The following NSUN3 variants were observed in gnomAD, a reference collection of about 807,000 sequenced individuals.
NSUN3 encodes tRNA (cytosine(34)-C(5))-methyltransferase, mitochondrial.
Under a neutral mutation model 36.8 loss-of-function variants are expected in NSUN3, and 24 were observed. The observed-to-expected ratio is 0.65, with a 90% CI of 0.47 to 0.92. The LOEUF (loss-of-function observed/expected upper bound fraction) is 0.92, where lower values mean the gene tolerates loss of function less well. NSUN3 is among the 40% of genes least tolerant of loss of function. The pLI is 0.00. For missense variants in NSUN3, 381 were observed against 392.8 expected (o/e 0.97, Z 0.25); for synonymous variants, 146 against 145.2 (o/e 1.01, Z -0.04).
At position 94,105,138 on chromosome 3, in the gene NSUN3, A is replaced by T. The variant is rs564217632; in HGVS notation, c.743+9984A>T. ...TGACCATTGCGTGCAGCAGAGGATG[A>T]CCTGGCTATTTTGGGAAAAGGTGCG... On this transcript the variant is annotated intron_variant, in intron 5 of 5. Transcript: ENST00000314622. 3.3e-5 allele frequency among the ~76,000 whole-genome samples: 5 copies of T among 152,320 alleles called. No homozygotes were observed. The East Asian group carries it at 9.6e-4, about 29-fold the overall frequency.
intron 5 of NSUN3, among the ~76,000 whole-genome samples, chr3:94,105,578 T>G (rs1329048459): frequency 6.6e-6 from 1 of 152,142 alleles, no homozygotes; most frequent in Non-Finnish European, 1.5e-5. Flanking sequence ...TCTGTAAAGA[T>G]GTAGGGTTTC....
intron 2 of NSUN3, among the ~76,000 whole-genome samples, chr3:94,071,011 T>C (rs576544204): frequency 2.6e-5 from 4 of 152,342 alleles, no homozygotes; most frequent in Admixed American, 1.3e-4. Flanking sequence ...CATCCACTTA[T>C]TTAACTGAAG....
intron 3 of NSUN3, among the ~76,000 whole-genome samples, chr3:94,088,357 C>T (rs1576087972): frequency 6.6e-6 from 1 of 152,144 alleles, no homozygotes. Context: ...TCACTTTCTC[C>T]CAACAACTTT....
At chr3:94,073,390 A>G (rs557927682) in intron 2 of NSUN3, among the ~76,000 whole-genome samples, 1 of 152,294 alleles carries the variant, frequency 6.6e-6, no homozygotes, top group Admixed American at 6.5e-5. Flanking sequence ...TGTCTTCCAC[A>G]ATGGTTGAAC....
chr3:94,075,121 G>T (rs1156525882), intron 2 of NSUN3, among the ~76,000 whole-genome samples: 1 of 151,516 alleles, frequency 6.6e-6, no homozygotes, highest in Non-Finnish European at 1.5e-5. Flanking sequence ...TTTTTTCAAG[G>T]ATTAATTTAA....
chr3:94,121,584 G>A (rs1298061350), intron 5 of NSUN3, among the ~76,000 whole-genome samples: 1 of 152,148 alleles, frequency 6.6e-6, no homozygotes, highest in Non-Finnish European at 1.5e-5. Flanking sequence ...ATCTAGATAG[G>A]AGCCTTTTTT....
In NSUN3 at chr3:94,127,091, C is replaced by T. The variant is rs373416326; in HGVS notation, c.*601C>T. 5.9e-5 allele frequency: 9 copies of T among 152,104 alleles called. No homozygotes were observed. Among genetic ancestry groups the T allele is most frequent in the Admixed American group, 5.9e-4 (9 of 15,264 alleles). 9.4% of individuals were successfully genotyped at this position (152,104 alleles called of 1,614,324 possible). A position where few individuals can be genotyped will look rare whatever the true frequency, so the allele number is the denominator to read the frequency against. ...ACTCTACTGACACCAGCTTTATTTCCCCCACTTTTTTTGCATTCACAAATA... is the reference window on the plus strand; with the variant it reads ...ACTCTACTGACACCAGCTTTATTTCTCCCACTTTTTTTGCATTCACAAATA... On this transcript the variant is annotated 3_prime_UTR_variant, in exon 6 of 6. Coordinates refer to ENST00000314622, the MANE Select transcript of NSUN3 (RefSeq NM_022072.5).
intron 5 of NSUN3, among the ~76,000 whole-genome samples, chr3:94,123,264 A>T (rs949064460): frequency 1.4e-4 from 21 of 152,088 alleles, no homozygotes; most frequent in African/African-American, 4.3e-4. Flanking sequence ...TCTATGTTGC[A>T]TGCACTCTTT....
chr3:94,081,026 G>A (rs2077266758), intron 2 of NSUN3, among the ~76,000 whole-genome samples: 1 of 152,206 alleles, frequency 6.6e-6, no homozygotes, highest in Admixed American at 6.5e-5. Context: ...TTGAAACCCA[G>A]GGCCCTGGTG....
At chr3:94,088,869 AC>A (rs993630803) in intron 3 of NSUN3, among the ~76,000 whole-genome samples, 4 of 151,964 alleles carry the variant, frequency 2.6e-5, no homozygotes, top group African/African-American at 9.7e-5. Context: ...GGGTTTCACC[AC>A]GTTGGCCAGG....
intron 2 of NSUN3, among the ~76,000 whole-genome samples, chr3:94,083,246 G>A (rs750292380): frequency 7.2e-5 from 11 of 152,096 alleles, no homozygotes; most frequent in Non-Finnish European, 1.6e-4. Flanking sequence ...TTGACTGCAA[G>A]TTGTCCAGGT....
intron 5 of NSUN3, among the ~76,000 whole-genome samples, chr3:94,123,321 T>C (rs1279273500): frequency 2.6e-5 from 4 of 152,224 alleles, no homozygotes; most frequent in African/African-American, 9.6e-5. Flanking sequence ...CTCATTTTAC[T>C]AGAATTAAAA....
At position 94,094,206 on chromosome 3, in the gene NSUN3, T is replaced by C; in HGVS notation, c.533T>C (p.Phe178Ser). ...TGGCTAAGGCAGACGTTGGAATCTT[T>C]CATCCCACAGCCTTTGATAAATGTA... ...LRWLRQTLES[F>S]IPQPLINVIK... is the part of the protein sequence containing the mutation. The change falls in exon 4 of 6, where the codon TTC (phenylalanine) becomes TCC (serine). Residue 178 changes from phenylalanine (F) to serine (S), a missense_variant. Transcript: ENST00000314622. 1 of 1,613,728 alleles carries C rather than the reference T, an allele frequency of 6.2e-7. No homozygotes were observed. The highest frequency in any genetic ancestry group is 8.5e-7 in the Non-Finnish European group (1 of 1,179,684).
Position 94,128,462 on chromosome 3 carries a change from G to A in NSUN3, c.*1972G>A, listed in dbSNP as rs577447305. ...TGCACACTGTACTTTGTTAAATGTC[G>A]GTATTTTCCCAGTATAATGCGATGA... On this transcript the variant is annotated 3_prime_UTR_variant, in exon 6 of 6. Coordinates refer to ENST00000314622, the MANE Select transcript of NSUN3 (RefSeq NM_022072.5). The A allele has an allele frequency of 4.6e-5, 7 of 150,908 alleles. No individual in the cohort carries two copies. The highest frequency in any genetic ancestry group is 1.9e-4 in the East Asian group (1 of 5,140). 9.3% of individuals were successfully genotyped at this position (150,908 alleles called of 1,614,324 possible). A position where few individuals can be genotyped will look rare whatever the true frequency, so the allele number is the denominator to read the frequency against.
intron 2 of NSUN3, among the ~76,000 whole-genome samples, chr3:94,081,007 A>G (rs1002531651): frequency 1.3e-5 from 2 of 152,228 alleles, no homozygotes; most frequent in East Asian, 1.9e-4. Flanking sequence ...GAGCCACCCA[A>G]TTTTGTGCTT....
intron 5 of NSUN3, among the ~76,000 whole-genome samples, chr3:94,100,307 G>A (rs1408495208): frequency 2.6e-5 from 4 of 152,186 alleles, no homozygotes; most frequent in African/African-American, 9.6e-5. Context: ...TTAAAAGCAA[G>A]GACATTCTGT....
chr3:94,090,156 A>G (rs1306570208), intron 3 of NSUN3, among the ~76,000 whole-genome samples: 1 of 152,150 alleles, frequency 6.6e-6, no homozygotes, highest in African/African-American at 2.4e-5. Flanking sequence ...TACAAATGCT[A>G]AATCCTCAGG....
At chr3:94,083,213 C>G (rs2077277696) in intron 2 of NSUN3, among the ~76,000 whole-genome samples, 2 of 151,254 alleles carry the variant, frequency 1.3e-5, no homozygotes, top group Non-Finnish European at 2.9e-5. Flanking sequence ...CCTCAGTAAT[C>G]ATAATGTTAA....
In NSUN3 at chr3:94,095,547, C is replaced by A. The variant is rs114594560; in HGVS notation, c.743+393C>A. Among the ~76,000 whole-genome samples, 663 of 152,242 alleles carry A rather than the reference C, an allele frequency of 4.4e-3. 7 individuals are homozygous for A. Among genetic ancestry groups the A allele is most frequent in the African/African-American group, 0.014 (598 of 41,544 alleles). On this transcript the variant is annotated intron_variant, in intron 5 of 5. Transcript: ENST00000314622. ...TTTGTTATTGTTCTGGATGAATCAGCCCCTAGCAAGTTGTAGCTGGTTGTT... is the reference window on the plus strand; with the variant it reads ...TTTGTTATTGTTCTGGATGAATCAGACCCTAGCAAGTTGTAGCTGGTTGTT...
Sources: gnomAD v4.1 joint callset for allele counts (sites outside exome capture counted in the v4.1 genomes callset) on GRCh38, gnomAD v4.1.1 for gene constraint, MANE v1.5 for transcripts, NCBI Gene and HGNC (gene_info 2026-07-23, HGNC 2026-07-21) for gene names.